Variants in SDK2 observed in about 807,000 individuals in gnomAD.
SDK2 encodes the protein sidekick cell adhesion molecule 2.
Under a neutral mutation model 253.9 loss-of-function variants are expected in SDK2, and 105 were observed. That is an observed-to-expected ratio of 0.41 (90% CI 0.35 to 0.49). SDK2 has a LOEUF of 0.49. SDK2 is among the 20% of genes least tolerant of loss of function. SDK2 has a pLI of 0.06. For synonymous variants in SDK2, 1,249 were observed against 1,234.9 expected, an observed-to-expected ratio of 1.01 and a Z score of -0.24; for missense variants, 2,608 against 3,003.0, an observed-to-expected ratio of 0.87 and a Z score of 3.07.
chr17:73,433,762 C>T lies in SDK2; in HGVS notation c.1282G>A (p.Ala428Thr), dbSNP rs892076346. ...SVVLACETSG[A>T]PRPAITWQKG... ...TGCCAAGTGATAGCTGGTCGGGGCGCCCCCGAGGTCTCACATGCTAGCACC... is the reference window on the plus strand; with the variant it reads ...TGCCAAGTGATAGCTGGTCGGGGCGTCCCCGAGGTCTCACATGCTAGCACC... Residue 428 changes from alanine to threonine, a missense_variant, in exon 10 of 45, where the codon GCG (alanine) becomes ACG (threonine). Ala to Thr is a moderately conservative substitution (Grantham distance 58). This residue lies in a region of SDK2 where 1,505 missense variants were observed against 1,859.1 expected (regional missense o/e 0.81). Coordinates refer to ENST00000392650, the MANE Select transcript of SDK2 (RefSeq NM_001144952.2). 2 of 1,607,720 alleles carry T rather than the reference C, an allele frequency of 1.2e-6. No homozygotes were observed. The highest frequency in any genetic ancestry group is 1.7e-6 in the Non-Finnish European group (2 of 1,177,120).
At chr17:73,405,781 G>A (rs908078631) in intron 18 of SDK2, among the ~76,000 whole-genome samples, 5 of 149,340 alleles carry the variant, frequency 3.3e-5, no homozygotes, top group Admixed American at 6.7e-5. Context: ...GTGCAGTGGC[G>A]CGATCTCCGC....
chr17:73,596,825 G>T (rs1328499101), intron 1 of SDK2, among the ~76,000 whole-genome samples: 2 of 152,210 alleles, frequency 1.3e-5, no homozygotes, highest in African/African-American at 4.8e-5. Context: ...CCCTGCCATG[G>T]CTGGCGGTGT....
intron 1 of SDK2, among the ~76,000 whole-genome samples, chr17:73,509,618 C>T (rs1196177751): frequency 6.8e-6 from 1 of 146,234 alleles, no homozygotes; most frequent in Non-Finnish European, 1.5e-5. Context: ...GGTGAGACCC[C>T]CTCTTCACCA....
chr17:73,601,348 G>A lies in SDK2; in HGVS notation c.64+42677C>T, dbSNP rs1053575818. ...CGAATGATCTAAGTTTAAGCACATG[G>A]ACCCTTTGAGGTGGCATGCTGGGTG... On this transcript the variant is annotated intron_variant, in intron 1 of 44. Coordinates refer to ENST00000392650, the MANE Select transcript of SDK2 (RefSeq NM_001144952.2). Among the ~76,000 whole-genome samples the A allele has an allele frequency of 5.9e-5, 9 of 152,094 alleles. No homozygotes were observed. In the East Asian group the frequency reaches 1.7e-3, roughly 29 times the overall value.
At chr17:73,371,941 C>T (rs11657446) in intron 36 of SDK2, among the ~76,000 whole-genome samples, 60,975 of 142,334 alleles carry the variant, frequency 0.43, 13,974 homozygotes, top group East Asian at 0.62. Context: ...GCCTGGGCAA[C>T]GGAGCGAGAG....
intron 33 of SDK2, 90 bp from the exon 34 acceptor site, chr17:73,381,040 C>A: frequency 1.3e-6 from 1 of 794,586 alleles, no homozygotes; most frequent in East Asian, 2.7e-5. Flanking sequence ...CACAAAGAAA[C>A]CCCGGCCAGG....
At chr17:73,470,268 C>T (rs1459355531) in intron 3 of SDK2, among the ~76,000 whole-genome samples, 1 of 151,972 alleles carries the variant, frequency 6.6e-6, no homozygotes, top group East Asian at 1.9e-4. Context: ...TATACCCAAG[C>T]ACACATGCAT....
intron 1 of SDK2, among the ~76,000 whole-genome samples, chr17:73,637,707 T>C (rs2046349822): frequency 6.6e-6 from 1 of 152,226 alleles, no homozygotes; most frequent in Admixed American, 6.5e-5. Flanking sequence ...GATCTTCCTC[T>C]CCCTTTTCCT....
At chr17:73,433,888 G>A (rs2063347481) in intron 9 of SDK2, 40 bp from the exon 10 acceptor site, 1 of 1,394,282 alleles carries the variant, frequency 7.2e-7, no homozygotes, top group Middle Eastern at 1.8e-4. Flanking sequence ...CACACCCTGG[G>A]AGATGTCCCC....
At chr17:73,532,795 G>A (rs1189509758) in intron 1 of SDK2, among the ~76,000 whole-genome samples, 5 of 152,070 alleles carry the variant, frequency 3.3e-5, no homozygotes, top group Admixed American at 2.6e-4. Context: ...CAGGAAGGAA[G>A]GCTCATCTCA....
In SDK2 at chr17:73,431,515, G is replaced by A; in HGVS notation, c.1467C>T (p.Asp489=). 6.2e-7 allele frequency: 1 copy of A among 1,612,432 alleles called. No homozygotes were observed. Among genetic ancestry groups the A allele is most frequent in the Non-Finnish European group, 8.5e-7 (1 of 1,179,326 alleles). ...CTGCACACTCACCCCAAACGACTAG[G>A]TCTGCTGAGGCCTCATCGACCCCCC... ...NSRGVDEASA[D]LVVWARTRIT... The change falls in exon 11 of 45, where the codon GAC becomes GAT. Residue 489 remains aspartate, a synonymous_variant. Coordinates refer to ENST00000392650, the MANE Select transcript of SDK2 (RefSeq NM_001144952.2). This position sits in a 1 kb window ranked among gnomAD's most constrained non-coding sequence, Gnocchi z 5.6.
chr17:73,403,424 C>A (rs1024468052), intron 18 of SDK2, among the ~76,000 whole-genome samples: 1 of 152,018 alleles, frequency 6.6e-6, no homozygotes, highest in Non-Finnish European at 1.5e-5. Context: ...ACCTGGCCCC[C>A]GCCCCCTCCC....
intron 31 of SDK2, 77 bp downstream of exon 31, chr17:73,386,368 C>T (rs1599509203): frequency 3.8e-6 from 4 of 1,045,206 alleles, no homozygotes; most frequent in South Asian, 2.7e-5. Flanking sequence ...GAGGCCCCTC[C>T]CCCCGTAAGA....
At chr17:73,454,942 A>G (rs12150233) in intron 4 of SDK2, among the ~76,000 whole-genome samples, 119,551 of 152,142 alleles carry the variant, frequency 0.79, 48,127 homozygotes, top group Non-Finnish European at 0.88. Context: ...ACCTCAAGTG[A>G]TCAGTCCACC....
At chr17:73,448,001 G>C (rs2145645264) in intron 4 of SDK2, among the ~76,000 whole-genome samples, 1 of 152,156 alleles carries the variant, frequency 6.6e-6, no homozygotes, top group South Asian at 2.1e-4. Flanking sequence ...CAGACGCCGA[G>C]GCCACCCAAA....
intron 43 of SDK2, among the ~76,000 whole-genome samples, chr17:73,349,888 C>T (rs2062519107): frequency 6.6e-6 from 1 of 152,188 alleles, no homozygotes; most frequent in Non-Finnish European, 1.5e-5. Context: ...GGCTGTTTCC[C>T]TGGCAGTTGG....
intron 3 of SDK2, among the ~76,000 whole-genome samples, chr17:73,469,991 C>CGT (rs1219177356): frequency 3.0e-5 from 3 of 100,762 alleles, no homozygotes; most frequent in Admixed American, 9.9e-5. Flanking sequence ...TGCGCGCGCG[C>CGT]GCACACACAC....
chr17:73,524,691 C>T (rs1029383327), intron 1 of SDK2, among the ~76,000 whole-genome samples: 1 of 152,208 alleles, frequency 6.6e-6, no homozygotes, highest in Non-Finnish European at 1.5e-5. Flanking sequence ...CACGACTGTC[C>T]CATTGCATAG....
intron 1 of SDK2, among the ~76,000 whole-genome samples, chr17:73,638,412 G>C (rs1253175372): frequency 6.6e-6 from 1 of 152,192 alleles, no homozygotes; most frequent in Non-Finnish European, 1.5e-5. Context: ...CGAGGGAGTG[G>C]GTGCTGGAAG....
Sources: allele counts gnomAD v4.1 joint callset (sites outside exome capture counted in the v4.1 genomes callset), GRCh38; gene constraint gnomAD v4.1.1; regional missense constraint gnomAD v4.1.1; non-coding constraint Gnocchi (gnomAD v3.1); transcripts MANE v1.5; gene names NCBI Gene and HGNC (gene_info 2026-07-23, HGNC 2026-07-21).